SNAPC4: variants seen among roughly 807,000 people sequenced by gnomAD.
SNAPC4 encodes the protein small nuclear RNA activating complex polypeptide 4.
SNAPC4 carries 127 observed loss-of-function variants against 151.3 expected under a neutral mutation model. The observed-to-expected ratio is 0.84, with a 90% CI of 0.73 to 0.97. SNAPC4 has a LOEUF of 0.97. SNAPC4 is among the 50% of genes least tolerant of loss of function. SNAPC4 has a pLI of 0.00. For synonymous variants in SNAPC4, 1,002 were observed against 824.4 expected (o/e 1.22, Z -3.69); for missense variants, 2,186 against 1,935.0 (o/e 1.13, Z -2.43).
rs745600294 is a variant in SNAPC4, at chr9:136,378,465, G to A, written c.3362C>T (p.Ala1121Val). The A allele has an allele frequency of 1.9e-5, 30 of 1,588,260 alleles. No individual in the cohort carries two copies. The highest frequency in any genetic ancestry group is 1.6e-4 in the African/African-American group (12 of 74,526). ...CGCTGGGGCCCTGGGGCCCTGGGCC[G>A]CCCGAGTCTCAGTCAGGGGAGGCAG... is the stretch of plus-strand genomic sequence containing the variant. ...TLLPPLTETRAAQGPRAPALS... is the reference protein window; with the variant it reads ...TLLPPLTETRVAQGPRAPALS... Residue 1121 changes from alanine to valine, a missense_variant, in exon 22 of 24, where the codon GCG becomes GTG. Ala to Val is a moderately conservative substitution (Grantham distance 64). Transcript: ENST00000684778.
intron 2 of SNAPC4, among the ~76,000 whole-genome samples, chr9:136,397,642 GA>G (rs1834320242): frequency 9.1e-6 from 1 of 110,466 alleles, no homozygotes; most frequent in African/African-American, 3.7e-5. Context: ...AGCACGTGGG[GA>G]GGGGAGCACG....
At position 136,377,995 on chromosome 9, in the gene SNAPC4, C is replaced by T; in HGVS notation, c.3832G>A (p.Gly1278Ser). Residue 1278 changes from glycine to serine, a missense_variant, in exon 22 of 24, where the codon GGC (glycine) becomes AGC (serine). Gly to Ser is a moderately conservative substitution (Grantham distance 56, BLOSUM62 0). Transcript: ENST00000684778. ...ALDLGLLSQE[G>S]EAATQQWLGG... ...AGCCACTGCTGTGTGGCCGCCTCGC[C>T]CTCCTGGGACAGCAGGCCCAGGTCC... is the stretch of plus-strand genomic sequence containing the variant. The T allele has an allele frequency of 6.2e-7, 1 of 1,602,038 alleles. No homozygotes were observed. The highest frequency in any genetic ancestry group is 1.1e-5 in the South Asian group (1 of 90,264).
chr9:136,383,893 G>A lies in SNAPC4; in HGVS notation c.1500+60C>T. The A allele has an allele frequency of 3.3e-6, 5 of 1,493,914 alleles. No homozygotes were observed. The highest frequency in any genetic ancestry group is 4.7e-6 in the Non-Finnish European group (5 of 1,072,570). The allele number at this position is 1,493,914 out of a possible 1,614,324, so 92.5% of individuals were successfully genotyped here. On this transcript the variant is annotated intron_variant, in intron 15 of 23. Coordinates refer to ENST00000684778, the MANE Select transcript of SNAPC4 (RefSeq NM_003086.4). This position sits in a 1 kb window ranked among gnomAD's most constrained non-coding sequence, Gnocchi z 4.2. ...TCCCCTCCCCTCCTCCTGCCTGCTG[G>A]ACCCCCCAGTTGACCAGGCCATTGT...
chr9:136,383,483 TG>T lies in SNAPC4; in HGVS notation c.1685del (p.Pro562HisfsTer106). On this transcript the variant is annotated frameshift_variant, in exon 16 of 24. Coordinates refer to ENST00000684778, the MANE Select transcript of SNAPC4 (RefSeq NM_003086.4). LOFTEE classifies it high-confidence loss of function. This position sits in a 1 kb window ranked among gnomAD's most constrained non-coding sequence, Gnocchi z 4.2. ...GGTCCATGTCCGGGACCATGTACTG[TG>T]GGGACAGCAGCGCTCTGTCACCCTC... ...AGEGDRALLS[P>X]QYMVPDMDLW... is the part of the protein sequence containing the mutation. The T allele has an allele frequency of 6.4e-7, 1 of 1,567,996 alleles. No homozygotes were observed. The highest frequency in any genetic ancestry group is 8.6e-7 in the Non-Finnish European group (1 of 1,156,804).
chr9:136,378,131 C>A lies in SNAPC4; in HGVS notation c.3696G>T (p.Arg1232Ser). 1 of 1,606,052 alleles carries A rather than the reference C, an allele frequency of 6.2e-7. No homozygotes were observed. The highest frequency in any genetic ancestry group is 8.5e-7 in the Non-Finnish European group (1 of 1,177,456). ...PGSPSGTQEP[R>S]GPLGLEKLPL... ...GCAGCTTCTCCAGGCCCAGAGGCCC[C>A]CTGGGCTCCTGTGTCCCTGAGGGGG... Residue 1232 changes from arginine (R) to serine (S), a missense_variant, in exon 22 of 24, where the codon AGG becomes AGT. Arg to Ser is a moderately radical substitution (Grantham distance 110). Coordinates refer to ENST00000684778, the MANE Select transcript of SNAPC4 (RefSeq NM_003086.4).
chr9:136,382,983 T>C (rs1833752919), intron 16 of SNAPC4, among the ~76,000 whole-genome samples: 1 of 152,118 alleles, frequency 6.6e-6, no homozygotes, highest in Admixed American at 6.5e-5. Flanking sequence ...GCCATACCCC[T>C]GAAACAGTCA....
Position 136,378,076 on chromosome 9 carries a change from C to T in SNAPC4, c.3751G>A (p.Ala1251Thr), listed in dbSNP as rs780827166. 5 of 1,579,502 alleles carry T rather than the reference C, an allele frequency of 3.2e-6. No individual in the cohort carries two copies. Among genetic ancestry groups the T allele is most frequent in the Non-Finnish European group, 4.3e-6 (5 of 1,163,598 alleles). ...PLRQPGPEKG[A>T]LDLEKPPLPQ... ...AGGGGCGGCTTCTCCAGGTCCAGGG[C>T]CCCCTTCTCAGGCCCAGGCTGGCGC... is the stretch of plus-strand genomic sequence containing the variant. Residue 1251 changes from alanine (A) to threonine (T), a missense_variant, in exon 22 of 24, where the codon GCC becomes ACC. Transcript: ENST00000684778.
In SNAPC4 at chr9:136,377,779, G is replaced by C. The variant is rs1424578658; in HGVS notation, c.4048C>G (p.Leu1350Val). ...PAGALQASLG[L>V]VRGQLQDNPA... ...TTGTCCTGGAGCTGCCCCCGCACCA[G>C]CCCCAGTGAGGCTTGCAGTGCTCCG... is the stretch of plus-strand genomic sequence containing the variant. Residue 1350 changes from leucine (L) to valine (V), a missense_variant, in exon 22 of 24, where the codon CTG becomes GTG. Transcript: ENST00000684778. The C allele has an allele frequency of 6.2e-7, 1 of 1,611,844 alleles. No individual in the cohort carries two copies. The highest frequency in any genetic ancestry group is 1.7e-5 in the Admixed American group (1 of 59,970).
At position 136,381,952 on chromosome 9, in the gene SNAPC4, C is replaced by T. The variant is rs367611772; in HGVS notation, c.2189G>A (p.Arg730His). 1.3e-5 allele frequency: 21 copies of T among 1,612,242 alleles called. No homozygotes were observed. The highest frequency in any genetic ancestry group is 4.5e-5 in the East Asian group (2 of 44,886). ...CCTCCGGTGCAGAGCGTGTCTCCAG[C>T]GCCGCTGCCCACTCTGGGTGGCTCT... is the stretch of plus-strand genomic sequence containing the variant. ...RHRATQSGQR[R>H]WRHALHRRLL... Residue 730 changes from arginine (R) to histidine (H), a missense_variant, in exon 18 of 24, where the codon CGC (arginine) becomes CAC (histidine). Physicochemically the swap from Arg to His is conservative, Grantham distance 29. Transcript: ENST00000684778.
chr9:136,390,797 T>C (rs1834044684), intron 10 of SNAPC4, among the ~76,000 whole-genome samples: 1 of 151,298 alleles, frequency 6.6e-6, no homozygotes. Flanking sequence ...TATGTAGCAG[T>C]AAAATATACA....
At chr9:136,397,687 G>T (rs189370331) in intron 2 of SNAPC4, among the ~76,000 whole-genome samples, 531 of 123,320 alleles carry the variant, frequency 4.3e-3, no homozygotes, top group Middle Eastern at 0.033. Flanking sequence ...GGGAGCACGT[G>T]GGGTGGGGAG....
At chr9:136,391,146 T>C (rs1834060091) in intron 10 of SNAPC4, among the ~76,000 whole-genome samples, 2 of 152,230 alleles carry the variant, frequency 1.3e-5, no homozygotes, top group African/African-American at 4.8e-5. Context: ...ATTAAGCATC[T>C]TTAAAGGCAA....
At chr9:136,397,382 T>C (rs1834309695) in intron 2 of SNAPC4, among the ~76,000 whole-genome samples, 1 of 151,052 alleles carries the variant, frequency 6.6e-6, no homozygotes, top group South Asian at 2.1e-4. Context: ...GGCACGGATG[T>C]AGAGGCCCTC....
chr9:136,393,245 T>C (rs754600755), intron 7 of SNAPC4, among the ~76,000 whole-genome samples: 2 of 152,094 alleles, frequency 1.3e-5, no homozygotes, highest in African/African-American at 2.4e-5. Context: ...ACCCTGACCA[T>C]GCACATCAGG....
intron 22 of SNAPC4, 118 bp from the exon 23 acceptor site, chr9:136,376,599 CCTCAG>C: frequency 2.4e-6 from 3 of 1,252,330 alleles, no homozygotes; most frequent in Non-Finnish European, 1.1e-6. Flanking sequence ...GACAGGGCAC[CCTCAG>C]CTCAGGCGGG....
At chr9:136,396,646 T>A (rs1834283880) in intron 3 of SNAPC4, among the ~76,000 whole-genome samples, 1 of 152,134 alleles carries the variant, frequency 6.6e-6, no homozygotes. Flanking sequence ...CCCACAGGAA[T>A]CTGAGGCACA....
chr9:136,386,473 C>T (rs1258235665), intron 13 of SNAPC4, among the ~76,000 whole-genome samples: 9 of 145,930 alleles, frequency 6.2e-5, no homozygotes, highest in South Asian at 2.2e-4. Flanking sequence ...TTTCACTCGT[C>T]GCCCAGGCTA....
rs1834182807 is a variant in SNAPC4, at chr9:136,394,284, G to A, written c.597C>T (p.Asp199=). 26 of 1,613,942 alleles carry A rather than the reference G, an allele frequency of 1.6e-5. No individual in the cohort carries two copies. The highest frequency in any genetic ancestry group is 1.6e-5 in the Non-Finnish European group (19 of 1,179,966). Residue 199 remains aspartate (D), a synonymous_variant, in exon 7 of 24, where the codon GAC becomes GAT. Coordinates refer to ENST00000684778, the MANE Select transcript of SNAPC4 (RefSeq NM_003086.4). ...KALLRKSVVS[D]RLQRLLQPKL... The stretch of plus-strand genomic sequence containing the variant: ...TGGGCTGAAGCAATCGCTGCAGGCG[G>A]TCACTCACCACTGACTTTCGGAGCA...
intron 3 of SNAPC4, among the ~76,000 whole-genome samples, chr9:136,396,119 T>G (rs191444662): frequency 1.8e-4 from 27 of 152,322 alleles, no homozygotes; most frequent in African/African-American, 6.5e-4. Flanking sequence ...CCCTGTCGTG[T>G]GCATCACCAG....
Sources: allele counts gnomAD v4.1 joint callset (sites outside exome capture counted in the v4.1 genomes callset), GRCh38; gene constraint gnomAD v4.1.1; non-coding constraint Gnocchi (gnomAD v3.1); transcripts MANE v1.5; gene names NCBI Gene and HGNC (gene_info 2026-07-23, HGNC 2026-07-21).